ZBTB20: variants seen among roughly 807,000 people sequenced by gnomAD.
ZBTB20 encodes the protein zinc finger and BTB domain containing 20, also known as zinc finger and BTB domain-containing protein 20.
ZBTB20 carries 9 observed loss-of-function variants against 56.9 expected under a neutral mutation model. The ratio of observed to expected loss-of-function variants is 0.16; its 90% CI spans 0.10 to 0.28. The LOEUF (loss-of-function observed/expected upper bound fraction) is 0.28, where lower values mean the gene tolerates loss of function less well. Ranked by LOEUF, ZBTB20 falls within the 10% of genes least tolerant of loss-of-function variation. ZBTB20 has a pLI of 1.00. For missense variants in ZBTB20, 655 were observed against 1,003.0 expected (o/e 0.65, Z 4.69); for synonymous variants, 417 against 420.7 (o/e 0.99, Z 0.11).
At chr3:115,009,320 T>C (rs896533936) in intron 2 of ZBTB20, among the ~76,000 whole-genome samples, 6 of 152,046 alleles carry the variant, frequency 3.9e-5, no homozygotes, top group East Asian at 2.0e-4. Context: ...TGAATTCAGA[T>C]TGACTTATCC....
At chr3:114,412,925 G>C (rs2733398) in intron 7 of ZBTB20, among the ~76,000 whole-genome samples, 10,333 of 152,096 alleles carry the variant, frequency 0.068, 533 homozygotes, top group African/African-American at 0.14. Flanking sequence ...CATTTTGCCA[G>C]CTGTTTCTAA....
chr3:114,841,083 C>T (rs1244011354), intron 4 of ZBTB20, among the ~76,000 whole-genome samples: 4 of 152,174 alleles, frequency 2.6e-5, no homozygotes, highest in Admixed American at 6.5e-5. Context: ...GCACTAAAGA[C>T]GCAGCCTTGA....
At chr3:114,403,724 A>G (rs2087027555) in intron 7 of ZBTB20, among the ~76,000 whole-genome samples, 1 of 152,130 alleles carries the variant, frequency 6.6e-6, no homozygotes. Flanking sequence ...CTTCAAAAAA[A>G]TTAACTGAGA....
chr3:114,749,104 C>T (rs1486028210), intron 5 of ZBTB20, among the ~76,000 whole-genome samples: 1 of 152,192 alleles, frequency 6.6e-6, no homozygotes, highest in Non-Finnish European at 1.5e-5. Flanking sequence ...TTCTTCAAAA[C>T]TGACAATAAC....
At chr3:114,533,307 G>T (rs1431218425) in intron 6 of ZBTB20, among the ~76,000 whole-genome samples, 2 of 151,862 alleles carry the variant, frequency 1.3e-5, no homozygotes, top group African/African-American at 2.4e-5. Context: ...ATTACCTGCT[G>T]GAACTGAAAA....
chr3:114,644,871 T>G (rs1260446374), intron 6 of ZBTB20, among the ~76,000 whole-genome samples: 5 of 152,022 alleles, frequency 3.3e-5, no homozygotes. Flanking sequence ...ATAAAGAATA[T>G]TTAGGATATA....
intron 7 of ZBTB20, among the ~76,000 whole-genome samples, chr3:114,420,284 C>T (rs965458485): frequency 6.6e-6 from 1 of 152,124 alleles, no homozygotes; most frequent in Non-Finnish European, 1.5e-5. Context: ...CAATTTCCTA[C>T]TTAGCACCAC....
intron 2 of ZBTB20, among the ~76,000 whole-genome samples, chr3:115,028,147 C>T (rs1287313691): frequency 6.6e-6 from 1 of 150,810 alleles, no homozygotes; most frequent in African/African-American, 2.4e-5. Context: ...AATGTCATAT[C>T]ATTTGACCAA....
intron 2 of ZBTB20, among the ~76,000 whole-genome samples, chr3:114,995,010 A>G (rs1323466007): frequency 6.6e-6 from 1 of 151,910 alleles, no homozygotes; most frequent in Non-Finnish European, 1.5e-5. Context: ...GTGAGAAATG[A>G]CTTATGTAAA....
chr3:115,087,965 G>A (rs112993831), intron 1 of ZBTB20, among the ~76,000 whole-genome samples: 6 of 151,972 alleles, frequency 3.9e-5, no homozygotes, highest in African/African-American at 1.2e-4. Context: ...GTGCTTATTT[G>A]GCCCCAAATG....
At chr3:115,068,227 T>C (rs1418929998) in intron 2 of ZBTB20, among the ~76,000 whole-genome samples, 1 of 151,928 alleles carries the variant, frequency 6.6e-6, no homozygotes, top group Admixed American at 6.6e-5. Context: ...TTGTATAGTA[T>C]ATAAAGGCTG....
chr3:114,347,077 GTTTTTTTTTTTTTTTT>G (rs59044965), intron 11 of ZBTB20, among the ~76,000 whole-genome samples: 14 of 71,066 alleles, frequency 2.0e-4, no homozygotes, highest in Admixed American at 8.0e-4. Flanking sequence ...TTCTCTTCAG[GTTTTTTTTTTTTTTTT>G]TTTTTTTTTT....
intron 7 of ZBTB20, among the ~76,000 whole-genome samples, chr3:114,393,381 T>C (rs554330149): frequency 6.6e-6 from 1 of 152,348 alleles, no homozygotes; most frequent in African/African-American, 2.4e-5. Flanking sequence ...ATATCTAAAA[T>C]CTGATTTACA....
intron 7 of ZBTB20, among the ~76,000 whole-genome samples, chr3:114,490,819 T>C (rs2042666800): frequency 6.6e-6 from 1 of 152,156 alleles, no homozygotes; most frequent in Non-Finnish European, 1.5e-5. Flanking sequence ...AGATATTTTT[T>C]GAGAAAGTAA....
At chr3:114,781,438 A>AC (rs1354933338) in intron 5 of ZBTB20, among the ~76,000 whole-genome samples, 1 of 152,188 alleles carries the variant, frequency 6.6e-6, no homozygotes, top group Non-Finnish European at 1.5e-5. Flanking sequence ...CATTAATGGG[A>AC]CTTGTTAAGG....
At chr3:114,667,188 T>C (rs2061106842) in intron 6 of ZBTB20, among the ~76,000 whole-genome samples, 1 of 152,030 alleles carries the variant, frequency 6.6e-6, no homozygotes, top group East Asian at 1.9e-4. Flanking sequence ...TCCTCCATGC[T>C]TAGCGTTCCA....
intron 5 of ZBTB20, among the ~76,000 whole-genome samples, chr3:114,752,212 G>T (rs1391738934): frequency 6.6e-6 from 1 of 150,716 alleles, no homozygotes; most frequent in East Asian, 2.0e-4. Flanking sequence ...TAGAAAAGAG[G>T]TACAAGTCAG....
chr3:114,864,681 G>T (rs2075687003), intron 4 of ZBTB20, among the ~76,000 whole-genome samples: 1 of 152,094 alleles, frequency 6.6e-6, no homozygotes, highest in Non-Finnish European at 1.5e-5. Context: ...TTAGGAGGTA[G>T]ATGGGCGATA....
intron 6 of ZBTB20, among the ~76,000 whole-genome samples, chr3:114,677,851 C>T (rs886978367): frequency 6.6e-6 from 1 of 152,158 alleles, no homozygotes; most frequent in African/African-American, 2.4e-5. Context: ...TCCCCTTCCT[C>T]TCTCTGCCTA....
Sources: allele counts gnomAD v4.1 joint callset (sites outside exome capture counted in the v4.1 genomes callset), GRCh38; gene constraint gnomAD v4.1.1; transcripts MANE v1.5; gene names NCBI Gene and HGNC (gene_info 2026-07-23, HGNC 2026-07-21).